The following PLCH1 variants were observed in gnomAD, a reference collection of about 807,000 sequenced individuals.
PLCH1 encodes phospholipase C eta 1.
PLCH1 carries 60 observed loss-of-function variants against 126.7 expected under a neutral mutation model. That is an observed-to-expected ratio of 0.47 (90% CI 0.38 to 0.59). The LOEUF (loss-of-function observed/expected upper bound fraction) is 0.59. Among genes scored for constraint, PLCH1 ranks in the 20% least tolerant of loss-of-function variants. The pLI is 0.00. For missense variants in PLCH1, 1,723 were observed against 2,040.0 expected (o/e 0.84, Z 2.99); for synonymous variants, 719 against 734.9 (o/e 0.98, Z 0.35).
chr3:155,659,073 G>A (rs1254606414), intron 2 of PLCH1, among the ~76,000 whole-genome samples: 2 of 152,122 alleles, frequency 1.3e-5, no homozygotes, highest in East Asian at 3.9e-4. Flanking sequence ...ACTGTTTGGA[G>A]ATGTGTGAAG....
chr3:155,725,515 T>G (rs908798172), intron 1 of PLCH1, among the ~76,000 whole-genome samples: 1 of 151,396 alleles, frequency 6.6e-6, no homozygotes, highest in Non-Finnish European at 1.5e-5. Context: ...TAGTGCGATC[T>G]CAGCTCACTG....
intron 2 of PLCH1, among the ~76,000 whole-genome samples, chr3:155,635,141 A>T (rs202104826): frequency 2.4e-5 from 1 of 41,966 alleles, no homozygotes; most frequent in Non-Finnish European, 3.6e-5. Flanking sequence ...TTTCTTAATT[A>T]AAAAAAAAAA....
intron 19 of PLCH1, 128 bp from the exon 20 acceptor site, chr3:155,488,934 A>T: frequency 1.4e-6 from 1 of 728,300 alleles, no homozygotes; most frequent in Non-Finnish European, 2.2e-6. Context: ...AAGACAACTA[A>T]GCCACACTCA....
intron 21 of PLCH1, among the ~76,000 whole-genome samples, chr3:155,466,520 C>T (rs985930004): frequency 5.3e-5 from 8 of 152,144 alleles, no homozygotes; most frequent in Non-Finnish European, 1.0e-4. Context: ...AAGAAGGATG[C>T]CTACAAATAA....
chr3:155,652,896 T>C (rs1377779531), intron 2 of PLCH1, among the ~76,000 whole-genome samples: 1 of 152,190 alleles, frequency 6.6e-6, no homozygotes, highest in Non-Finnish European at 1.5e-5. Flanking sequence ...GTTTTATTCC[T>C]GGACCACTTC....
chr3:155,722,561 T>C (rs1748033372), intron 1 of PLCH1, among the ~76,000 whole-genome samples: 1 of 152,234 alleles, frequency 6.6e-6, no homozygotes, highest in South Asian at 2.1e-4. Context: ...ATGCTTTTTC[T>C]GAGTCTATTG....
intron 20 of PLCH1, 58 bp downstream of exon 20, chr3:155,488,602 C>T (rs1012776584): frequency 1.5e-5 from 21 of 1,375,512 alleles, no homozygotes; most frequent in South Asian, 9.3e-5. Context: ...TCATATATTA[C>T]GTCTTCCAAA....
chr3:155,724,087 T>C (rs2109146454), intron 1 of PLCH1, among the ~76,000 whole-genome samples: 1 of 152,320 alleles, frequency 6.6e-6, no homozygotes, highest in South Asian at 2.1e-4. Context: ...CCAATTTTAT[T>C]CCACTGTGGT....
chr3:155,615,552 C>A (rs1378864451), intron 2 of PLCH1, among the ~76,000 whole-genome samples: 1 of 151,976 alleles, frequency 6.6e-6, no homozygotes, highest in Non-Finnish European at 1.5e-5. Context: ...CATCAACGAA[C>A]AAGTGGATAA....
rs560070574 is a variant in PLCH1 at position 155,481,292 on chromosome 3, C to G, written c.4734G>C (p.Val1578=). The G allele has an allele frequency of 6.2e-7, 1 of 1,614,232 alleles. No homozygotes were observed. The highest frequency in any genetic ancestry group is 2.2e-5 in the East Asian group (1 of 44,882). Residue 1578 remains valine (V), a synonymous_variant, in exon 23 of 23, where the codon GTG becomes GTC. Coordinates refer to ENST00000460012, the MANE Select transcript of PLCH1 (RefSeq NM_014996.4). The surrounding 1 kb of genome is among the most constrained non-coding windows in gnomAD (Gnocchi z 4.2). ...RKLSSRSQSR[V]RNIASRAKEK... ...CCTTGGCACGACTAGCAATATTGCG[C>G]ACTCTGCTCTGACTTCTGGATGACA...
At chr3:155,529,759 T>TTTTGTTTTGTTTTGTTTTGTTTTG (rs1560117398) in intron 10 of PLCH1, among the ~76,000 whole-genome samples, 32 of 150,640 alleles carry the variant, frequency 2.1e-4, no homozygotes, top group African/African-American at 6.8e-4. Context: ...ATTTGCTTCT[T>TTTTGTTTTGTTTTGTTTTGTTTTG]TTTTGTTTTG....
At chr3:155,696,838 G>A (rs1559943864) in intron 2 of PLCH1, among the ~76,000 whole-genome samples, 2 of 152,168 alleles carry the variant, frequency 1.3e-5, no homozygotes, top group African/African-American at 2.4e-5. Flanking sequence ...ATGGCCACAG[G>A]TTTATGAGAA....
intron 2 of PLCH1, among the ~76,000 whole-genome samples, chr3:155,602,250 A>C (rs567941726): frequency 4.6e-5 from 7 of 152,328 alleles, no homozygotes; most frequent in Admixed American, 1.3e-4. Flanking sequence ...TTTGTGTAAG[A>C]AAAGAATGGG....
chr3:155,686,171 A>C (rs1744924679), intron 2 of PLCH1, among the ~76,000 whole-genome samples: 1 of 152,174 alleles, frequency 6.6e-6, no homozygotes, highest in African/African-American at 2.4e-5. Context: ...ACAAGTACAC[A>C]ATGATAAAGC....
chr3:155,647,354 A>C (rs1391682507), intron 2 of PLCH1, among the ~76,000 whole-genome samples: 1 of 151,936 alleles, frequency 6.6e-6, no homozygotes, highest in Non-Finnish European at 1.5e-5. Flanking sequence ...AAGACGCTTG[A>C]CTGCCTCATT....
At chr3:155,538,532 T>A (rs995148540) in intron 10 of PLCH1, among the ~76,000 whole-genome samples, 1 of 151,580 alleles carries the variant, frequency 6.6e-6, no homozygotes, top group Non-Finnish European at 1.5e-5. Flanking sequence ...AGAGAGAAGA[T>A]CCAAATAAGC....
chr3:155,561,466 T>C (rs1489372870), intron 8 of PLCH1, among the ~76,000 whole-genome samples: 1 of 151,832 alleles, frequency 6.6e-6, no homozygotes, highest in Non-Finnish European at 1.5e-5. Flanking sequence ...CATGAACTCA[T>C]CATTTTTTAT....
downstream of PLCH1, among the ~76,000 whole-genome samples, chr3:155,475,342 A>G (rs1713492800): frequency 6.6e-6 from 1 of 152,106 alleles, no homozygotes; most frequent in Admixed American, 6.5e-5. Flanking sequence ...GGAAGTCTAG[A>G]GCTATAAGTG....
At chr3:155,704,430 A>T (rs9866635) in intron 1 of PLCH1, among the ~76,000 whole-genome samples, 166 bp from the exon 2 acceptor site, 21,802 of 152,114 alleles carry the variant, frequency 0.14, 1,806 homozygotes, top group African/African-American at 0.22. Context: ...AATTTCTCAC[A>T]AGTCTTCCCA....
Sources: gnomAD v4.1 joint callset for allele counts (sites outside exome capture counted in the v4.1 genomes callset) on GRCh38, gnomAD v4.1.1 for gene constraint, Gnocchi (gnomAD v3.1) non-coding constraint, MANE v1.5 for transcripts, NCBI Gene and HGNC (gene_info 2026-07-23, HGNC 2026-07-21) for gene names.